GDPGP1: variants seen among roughly 807,000 people sequenced by gnomAD.
The protein encoded by GDPGP1 is GDP-D-glucose phosphorylase 1.
Under a neutral mutation model 19.2 loss-of-function variants are expected in GDPGP1, and 18 were observed. The ratio of observed to expected loss-of-function variants is 0.94; its 90% CI spans 0.65 to 1.39. GDPGP1 has a LOEUF of 1.39. Among genes scored for constraint, GDPGP1 ranks in the 40% most tolerant of loss-of-function variants. The pLI is 0.00. For missense variants in GDPGP1, 449 were observed against 490.5 expected, an observed-to-expected ratio of 0.92 and a Z score of 0.80; for synonymous variants, 219 against 208.9, an observed-to-expected ratio of 1.05 and a Z score of -0.42.
At chr15:90,236,874 G>A (rs1962646525) in intron 2 of GDPGP1, among the ~76,000 whole-genome samples, 1 of 152,120 alleles carries the variant, frequency 6.6e-6, no homozygotes. Context: ...AGTCCTCGGT[G>A]AATCTGGTTA....
chr15:90,241,906 G>C lies in GDPGP1; in HGVS notation c.998G>C (p.Cys333Ser). The C allele has an allele frequency of 6.2e-7, 1 of 1,614,132 alleles. No homozygotes were observed. Among genetic ancestry groups the C allele is most frequent in the Non-Finnish European group, 8.5e-7 (1 of 1,180,036 alleles). ...KDGEAFNVAL[C>S]ELAGHLPVKT... ...GGTGAAGCTTTCAATGTTGCCCTCT[G>C]TGAGCTGGCTGGGCACCTCCCTGTC... Residue 333 changes from cysteine to serine, a missense_variant, in exon 4 of 4, where the codon TGT becomes TCT. Physicochemically the swap from Cys to Ser is moderately radical, Grantham distance 112 (BLOSUM62 -1). Coordinates refer to ENST00000329600, the MANE Select transcript of GDPGP1 (RefSeq NM_001013657.3).
rs958761656 is a variant in GDPGP1 at position 90,241,794 on chromosome 15, C to G, written c.886C>G (p.Pro296Ala). ...TAACTTGTTTGTCACCCGGGGAGCT[C>G]CGCCGGGAAAGACATCACCTTCCTC... ...AHNLFVTRGA[P>A]PGKTSPSSAL... is the part of the protein sequence containing the mutation. Residue 296 changes from proline to alanine, a missense_variant, in exon 4 of 4, where the codon CCG (proline) becomes GCG (alanine). By Grantham distance (27) the Pro-to-Ala change is conservative (BLOSUM62 -1). Coordinates refer to ENST00000329600, the MANE Select transcript of GDPGP1 (RefSeq NM_001013657.3). 3 of 1,614,100 alleles carry G rather than the reference C, an allele frequency of 1.9e-6. No homozygotes were observed. The highest frequency in any genetic ancestry group is 2.5e-6 in the Non-Finnish European group (3 of 1,180,042).
rs1331504438 is a variant in GDPGP1 at position 90,240,898 on chromosome 15, A to G, written c.-9-2A>G. 6.3e-7 allele frequency: 1 copy of G among 1,594,220 alleles called. No individual in the cohort carries two copies. The highest frequency in any genetic ancestry group is 1.1e-5 in the South Asian group (1 of 90,352). On this transcript the variant is annotated splice_acceptor_variant, in intron 3 of 3. Transcript: ENST00000329600. LOFTEE classifies it low-confidence loss of function (5UTR_SPLICE). ...TGTTTTCATCTTTTATGACTATTTC[A>G]GGTCAGCTCTATGGCTCTTCCACAT...
At position 90,242,810 on chromosome 15, in the gene GDPGP1, G is replaced by A. The variant is rs1339692103; in HGVS notation, c.*744G>A. On this transcript the variant is annotated 3_prime_UTR_variant, in exon 4 of 4. Coordinates refer to ENST00000329600, the MANE Select transcript of GDPGP1 (RefSeq NM_001013657.3). ...GAGCACTGTCCATCATAGTCCTTTG[G>A]ACATTTATTTTCATGGCTGCCTTCT... is the stretch of plus-strand genomic sequence containing the variant. The A allele has an allele frequency of 1.3e-5, 2 of 152,122 alleles. No individual in the cohort carries two copies. Among genetic ancestry groups the A allele is most frequent in the Non-Finnish European group, 2.9e-5 (2 of 68,058 alleles). 9.4% of individuals were successfully genotyped at this position (152,122 alleles called of 1,614,324 possible).
At position 90,241,332 on chromosome 15, in the gene GDPGP1, C is replaced by T. The variant is rs1438274016; in HGVS notation, c.424C>T (p.Pro142Ser). Reference protein sequence around the residue: ...GEVLFRLHREPDLPGTLLQED... With the variant: ...GEVLFRLHRESDLPGTLLQED... Reference sequence around the variant, plus strand: ...AGTCCTCTTCCGTTTGCACCGGGAGCCTGATCTCCCTGGGACTCTGCTGCA... The same window carrying T: ...AGTCCTCTTCCGTTTGCACCGGGAGTCTGATCTCCCTGGGACTCTGCTGCA... Residue 142 changes from proline (P) to serine (S), a missense_variant, in exon 4 of 4, where the codon CCT (proline) becomes TCT (serine). By Grantham distance (74) the Pro-to-Ser change is moderately conservative (BLOSUM62 -1). Coordinates refer to ENST00000329600, the MANE Select transcript of GDPGP1 (RefSeq NM_001013657.3). 2 of 1,614,098 alleles carry T rather than the reference C, an allele frequency of 1.2e-6. No individual in the cohort carries two copies. The highest frequency in any genetic ancestry group is 1.7e-5 in the Admixed American group (1 of 60,010).
chr15:90,239,056 T>C (rs916574544), intron 3 of GDPGP1, among the ~76,000 whole-genome samples: 1 of 152,182 alleles, frequency 6.6e-6, no homozygotes, highest in Admixed American at 6.6e-5. Flanking sequence ...TGTGAGTGTA[T>C]AGGATGTTCA....
chr15:90,241,067 T>C lies in GDPGP1; in HGVS notation c.159T>C (p.Ala53=). ...WPRNAPGIPD[A]LPQSPFDAAL... ...GGAATGCACCTGGCATCCCAGATGC[T>C]CTGCCACAATCTCCCTTTGATGCTG... is the stretch of plus-strand genomic sequence containing the variant. The change falls in exon 4 of 4, where the codon GCT becomes GCC. Residue 53 remains alanine, a synonymous_variant. Transcript: ENST00000329600. 2 of 1,614,174 alleles carry C rather than the reference T, an allele frequency of 1.2e-6. No individual in the cohort carries two copies. Among genetic ancestry groups the C allele is most frequent in the Non-Finnish European group, 1.7e-6 (2 of 1,180,018 alleles).
intron 2 of GDPGP1, among the ~76,000 whole-genome samples, chr15:90,238,138 A>G (rs568666602): frequency 1.4e-4 from 21 of 152,302 alleles, no homozygotes; most frequent in African/African-American, 5.1e-4. Flanking sequence ...GGTCTTTCCT[A>G]AAAATACAAA....
chr15:90,243,014 T>A lies in GDPGP1; in HGVS notation c.*948T>A, dbSNP rs1331206636. The A allele has an allele frequency of 6.6e-6, 1 of 152,216 alleles. No individual in the cohort carries two copies. Among genetic ancestry groups the A allele is most frequent in the Non-Finnish European group, 1.5e-5 (1 of 68,058 alleles). 9.4% of individuals were successfully genotyped at this position (152,216 alleles called of 1,614,324 possible). On this transcript the variant is annotated 3_prime_UTR_variant, in exon 4 of 4. Transcript: ENST00000329600. Reference sequence around the variant, plus strand: ...TATCTGCTACCTCTCCCCGTTCTTGTTCAAGCCCCAGGGGTGTTAAAAAGG... The same window carrying A: ...TATCTGCTACCTCTCCCCGTTCTTGATCAAGCCCCAGGGGTGTTAAAAAGG...
rs1438023301 is a variant in GDPGP1, at chr15:90,242,657, G to A, written c.*591G>A. 2 of 152,080 alleles carry A rather than the reference G, an allele frequency of 1.3e-5. No individual in the cohort carries two copies. Among genetic ancestry groups the A allele is most frequent in the South Asian group, 2.1e-4 (1 of 4,808 alleles). The allele number at this position is 152,080 out of a possible 1,614,324, so 9.4% of individuals were successfully genotyped here. A position where few individuals can be genotyped will look rare whatever the true frequency, so the allele number is the denominator to read the frequency against. ...AGAAGGGGTTTCACCACATTGGCTAGGCTGGTCTTGAACTCCTGACTTTAG... is the reference window on the plus strand; with the variant it reads ...AGAAGGGGTTTCACCACATTGGCTAAGCTGGTCTTGAACTCCTGACTTTAG... On this transcript the variant is annotated 3_prime_UTR_variant, in exon 4 of 4. Transcript: ENST00000329600.
chr15:90,242,376 C>T lies in GDPGP1; in HGVS notation c.*310C>T, dbSNP rs1336441281. On this transcript the variant is annotated 3_prime_UTR_variant, in exon 4 of 4. Coordinates refer to ENST00000329600, the MANE Select transcript of GDPGP1 (RefSeq NM_001013657.3). ...TTGGGCTGAAGCAGTCCTCCCACCT[C>T]GGCCTCCCAAAGTACTGAGATGACA... The T allele has an allele frequency of 1.6e-5, 3 of 186,068 alleles. No individual in the cohort carries two copies. Among genetic ancestry groups the T allele is most frequent in the East Asian group, 1.2e-4 (1 of 8,254 alleles). The allele number at this position is 186,068 out of a possible 1,614,324, so 11.5% of individuals were successfully genotyped here. A position where few individuals can be genotyped will look rare whatever the true frequency, so the allele number is the denominator to read the frequency against.
intron 2 of GDPGP1, among the ~76,000 whole-genome samples, chr15:90,237,560 G>A (rs968099429): frequency 2.0e-5 from 3 of 152,184 alleles, no homozygotes; most frequent in Non-Finnish European, 4.4e-5. Flanking sequence ...CTGGTCCAGG[G>A]ATTACAGGTG....
Position 90,241,856 on chromosome 15 carries a change from G to C in GDPGP1, c.948G>C (p.Arg316=). 1 of 1,613,984 alleles carries C rather than the reference G, an allele frequency of 6.2e-7. No individual in the cohort carries two copies. Among genetic ancestry groups the C allele is most frequent in the African/African-American group, 1.3e-5 (1 of 74,858 alleles). The change falls in exon 4 of 4, where the codon CGG becomes CGC. Residue 316 remains arginine, a synonymous_variant. Coordinates refer to ENST00000329600, the MANE Select transcript of GDPGP1 (RefSeq NM_001013657.3). ...GGGTCCGAGTAATTCTGTGGGCCCG[G>C]AAGTCCAGCTTTGGGATAAAGGACG... The part of the protein sequence containing the change: ...LTGVRVILWA[R]KSSFGIKDGE...
rs999533481 is a variant in GDPGP1 at position 90,243,877 on chromosome 15, A to G, written c.*1811A>G. 3 of 150,500 alleles carry G rather than the reference A, an allele frequency of 2.0e-5. No homozygotes were observed. Among genetic ancestry groups the G allele is most frequent in the Admixed American group, 1.3e-4 (2 of 15,144 alleles). The allele number at this position is 150,500 out of a possible 1,614,324, so 9.3% of individuals were successfully genotyped here. A position where few individuals can be genotyped will look rare whatever the true frequency, so the allele number is the denominator to read the frequency against. On this transcript the variant is annotated 3_prime_UTR_variant, in exon 4 of 4. Transcript: ENST00000329600. ...GGCTGGTCTCGAACTCCTGGCCTCA[A>G]GATCCTCCCACCTCAGCCTCCCAAA... is the stretch of plus-strand genomic sequence containing the variant.
In GDPGP1 at chr15:90,244,847, T is replaced by TATA; in HGVS notation, c.*2781_*2782insATA. 1 of 152,076 alleles carries TATA rather than the reference T, an allele frequency of 6.6e-6. No individual in the cohort carries two copies. Among genetic ancestry groups the TATA allele is most frequent in the South Asian group, 2.1e-4 (1 of 4,816 alleles). The allele number at this position is 152,076 out of a possible 1,614,324, so 9.4% of individuals were successfully genotyped here. ...ATAAATAAATACATAAAGTCTTGGG[T>TATA]CCAGCTCTCAACAGAGATTATCACC... On this transcript the variant is annotated 3_prime_UTR_variant, in exon 4 of 4. Transcript: ENST00000329600.
Position 90,240,903 on chromosome 15 carries a change from A to G in GDPGP1, c.-6A>G. On this transcript the variant is annotated 5_prime_UTR_variant, in exon 4 of 4. Coordinates refer to ENST00000329600, the MANE Select transcript of GDPGP1 (RefSeq NM_001013657.3). ...TCATCTTTTATGACTATTTCAGGTC[A>G]GCTCTATGGCTCTTCCACATGATTC... 6.2e-7 allele frequency: 1 copy of G among 1,603,874 alleles called. No individual in the cohort carries two copies. Among genetic ancestry groups the G allele is most frequent in the Non-Finnish European group, 8.5e-7 (1 of 1,171,680 alleles).
rs1962798708 is a variant in GDPGP1 at position 90,243,048 on chromosome 15, T to TTAAAAAG, written c.*982_*983insTAAAAAG. 6.6e-6 allele frequency: 1 copy of TTAAAAAG among 152,174 alleles called. No individual in the cohort carries two copies. The highest frequency in any genetic ancestry group is 1.5e-5 in the Non-Finnish European group (1 of 68,040). 9.4% of individuals were successfully genotyped at this position (152,174 alleles called of 1,614,324 possible). A position where few individuals can be genotyped will look rare whatever the true frequency, so the allele number is the denominator to read the frequency against. On this transcript the variant is annotated 3_prime_UTR_variant, in exon 4 of 4. Transcript: ENST00000329600. ...CAGGGGTGTTAAAAAGGAGTGTGTG[T>TTAAAAAG]GACAGTTACACACTCCTGACTTTAC...
chr15:90,242,850 TAAG>T lies in GDPGP1; in HGVS notation c.*791_*793del, dbSNP rs938398108. 1 of 152,204 alleles carries T rather than the reference TAAG, an allele frequency of 6.6e-6. No homozygotes were observed. The highest frequency in any genetic ancestry group is 1.5e-5 in the Non-Finnish European group (1 of 68,088). 9.4% of individuals were successfully genotyped at this position (152,204 alleles called of 1,614,324 possible). A position where few individuals can be genotyped will look rare whatever the true frequency, so the allele number is the denominator to read the frequency against. On this transcript the variant is annotated 3_prime_UTR_variant, in exon 4 of 4. Transcript: ENST00000329600. The stretch of plus-strand genomic sequence containing the variant: ...GGCTGCCTTCTCACCTGTCTCAGCC[TAAG>T]AAGAAGGATGAAGAAAGCTGATAAT...
rs1217580731 is a variant in GDPGP1 at position 90,243,647 on chromosome 15, T to TTTG, written c.*1583_*1584insGTT. On this transcript the variant is annotated 3_prime_UTR_variant, in exon 4 of 4. Transcript: ENST00000329600. ...CACCACACCTTGGTGCAGGTTTTTT[T>TTTG]TTTTTTTTTTTTTTTTTTTTTTTGA... 7 of 43,988 alleles carry TTTG rather than the reference T, an allele frequency of 1.6e-4. No homozygotes were observed. The highest frequency in any genetic ancestry group is 5.1e-4 in the African/African-American group (7 of 13,736). The allele number at this position is 43,988 out of a possible 1,614,324, so 2.7% of individuals were successfully genotyped here.
Sources: gnomAD v4.1 joint callset for allele counts (sites outside exome capture counted in the v4.1 genomes callset) on GRCh38, gnomAD v4.1.1 for gene constraint, MANE v1.5 for transcripts, NCBI Gene and HGNC (gene_info 2026-07-23, HGNC 2026-07-21) for gene names.